The following GLIPR2 variants were observed in gnomAD, a reference collection of about 807,000 sequenced individuals.
GLIPR2 encodes the protein GLI pathogenesis related 2, also known as Golgi-associated plant pathogenesis-related protein 1.
A neutral mutation model predicts 20.4 loss-of-function variants in GLIPR2; 21 were observed. The observed-to-expected ratio is 1.03, with a 90% CI of 0.73 to 1.48. The LOEUF is 1.48. GLIPR2 is among the 40% of genes most tolerant of loss of function. The pLI, the probability that GLIPR2 is intolerant of heterozygous loss-of-function variation, is 0.00. For synonymous variants in GLIPR2, 91 were observed against 80.5 expected (o/e 1.13, Z -0.70); for missense variants, 205 against 200.1 (o/e 1.02, Z -0.15).
intron 4 of GLIPR2, among the ~76,000 whole-genome samples, chr9:36,155,623 A>C (rs1404893367): frequency 2.6e-5 from 4 of 152,306 alleles, no homozygotes; most frequent in Non-Finnish European, 4.4e-5. Context: ...GAGTTTAACT[A>C]CAGGAGAAAA....
chr9:36,137,438 C>T (rs1824875695), intron 1 of GLIPR2, among the ~76,000 whole-genome samples: 1 of 152,142 alleles, frequency 6.6e-6, no homozygotes, highest in Non-Finnish European at 1.5e-5. Context: ...CCCTTACCTC[C>T]GCCCTACACT....
chr9:36,159,785 G>A (rs1191842416), intron 4 of GLIPR2, among the ~76,000 whole-genome samples: 1 of 152,000 alleles, frequency 6.6e-6, no homozygotes, highest in Non-Finnish European at 1.5e-5. Context: ...TGACCAGTAT[G>A]GTGAAACCCA....
In GLIPR2 at chr9:36,158,926, G is replaced by A. The variant is rs755887987; in HGVS notation, c.305-3436G>A. ...CTAAAGATACAAAAATTAGCTGGGCGTGATGGTGCTCACCTGTAGTCCCAG... is the reference window on the plus strand; with the variant it reads ...CTAAAGATACAAAAATTAGCTGGGCATGATGGTGCTCACCTGTAGTCCCAG... On this transcript the variant is annotated intron_variant, in intron 4 of 4. Coordinates refer to ENST00000377960, the MANE Select transcript of GLIPR2 (RefSeq NM_022343.4). Among the ~76,000 whole-genome samples, 8 of 152,150 alleles carry A rather than the reference G, an allele frequency of 5.3e-5. No individual in the cohort carries two copies. In the East Asian group the frequency reaches 5.8e-4, roughly 11 times the overall value.
intron 4 of GLIPR2, among the ~76,000 whole-genome samples, chr9:36,154,624 G>A (rs9969840): frequency 0.011 from 1,739 of 152,256 alleles, 42 homozygotes; most frequent in African/African-American, 0.04. Flanking sequence ...AAAGAAAAAG[G>A]AACCTTCGTT....
intron 1 of GLIPR2, among the ~76,000 whole-genome samples, chr9:36,137,789 C>T (rs1824892288): frequency 1.3e-5 from 2 of 152,234 alleles, no homozygotes; most frequent in South Asian, 4.1e-4. Context: ...CTGCTTCATC[C>T]GGATTGTCCA....
chr9:36,158,709 A>G (rs1825936995), intron 4 of GLIPR2, among the ~76,000 whole-genome samples: 1 of 152,236 alleles, frequency 6.6e-6, no homozygotes, highest in Non-Finnish European at 1.5e-5. Flanking sequence ...TGTCTCATTG[A>G]TCTCTGTAAA....
At chr9:36,136,695 C>A (rs144476246), upstream of GLIPR2, 7 of 1,020,760 alleles carry the variant, frequency 6.9e-6, no homozygotes, top group Non-Finnish European at 7.5e-6. The surrounding 1 kb of genome is among the most constrained non-coding windows in gnomAD (Gnocchi z 4.3). Flanking sequence ...GGCATCAGCC[C>A]GGTCCTGGGC....
chr9:36,161,558 C>A (rs1826053431), intron 4 of GLIPR2, among the ~76,000 whole-genome samples: 1 of 150,060 alleles, frequency 6.7e-6, no homozygotes, highest in South Asian at 2.1e-4. Flanking sequence ...CCTTCAATAT[C>A]TATAAGTGAG....
In GLIPR2 at chr9:36,154,091, ATATATC is replaced by A. The variant is rs1299131084; in HGVS notation, c.304+3144_304+3149del. Among the ~76,000 whole-genome samples, 114 of 122,304 alleles carry A rather than the reference ATATATC, an allele frequency of 9.3e-4. 1 individual carries two copies. Among genetic ancestry groups the A allele is most frequent in the African/African-American group, 3.3e-3 (107 of 32,452 alleles). The allele number at this position is 122,304 out of a possible 152,430, so 80.2% of individuals were successfully genotyped here. A position where few individuals can be genotyped will look rare whatever the true frequency, so the allele number is the denominator to read the frequency against. On this transcript the variant is annotated intron_variant, in intron 4 of 4. Transcript: ENST00000377960. ...ATATTATATATTATATATTATATAT[ATATATC>A]TTTTCCCCCCCCCTTTGAGACCGAG...
intron 4 of GLIPR2, among the ~76,000 whole-genome samples, chr9:36,153,203 A>AGCAGCCTT (rs1245171029): frequency 6.6e-6 from 1 of 152,048 alleles, no homozygotes; most frequent in African/African-American, 2.4e-5. Context: ...AGAAAAGGGA[A>AGCAGCCTT]GCAGCCTTTC....
In GLIPR2 at chr9:36,162,430, G is replaced by A. The variant is rs749051187; in HGVS notation, c.373G>A (p.Gly125Arg). 32 of 1,614,086 alleles carry A rather than the reference G, an allele frequency of 2.0e-5. No individual in the cohort carries two copies. The highest frequency in any genetic ancestry group is 6.7e-5 in the Admixed American group (4 of 60,004). Residue 125 changes from glycine to arginine, a missense_variant, in exon 5 of 5, where the codon GGG becomes AGG. Transcript: ENST00000377960. ...CGTGGGGAAGGCGTCCGCAAGTGACGGGTCCTCCTTTGTGGTGGCCAGATA... is the reference window on the plus strand; with the variant it reads ...CGTGGGGAAGGCGTCCGCAAGTGACAGGTCCTCCTTTGTGGTGGCCAGATA... ...MGVGKASASD[G>R]SSFVVARYFP...
intron 1 of GLIPR2, among the ~76,000 whole-genome samples, chr9:36,139,783 T>A (rs1163233587): frequency 6.6e-6 from 1 of 152,180 alleles, no homozygotes; most frequent in Non-Finnish European, 1.5e-5. Flanking sequence ...AGAAGACGCT[T>A]GGCCTAGTGA....
intron 1 of GLIPR2, among the ~76,000 whole-genome samples, chr9:36,142,035 C>G (rs1053269322): frequency 1.3e-5 from 2 of 152,090 alleles, no homozygotes; most frequent in African/African-American, 4.8e-5. Context: ...CCAAGTCTGG[C>G]CCCCTGGTAA....
intron 2 of GLIPR2, 110 bp from the exon 3 acceptor site, chr9:36,148,437 C>T (rs1825435595): frequency 2.8e-6 from 2 of 710,648 alleles, no homozygotes; most frequent in East Asian, 2.7e-5. Context: ...AGTGGTGCTC[C>T]TCTGTGAGCC....
intron 3 of GLIPR2, among the ~76,000 whole-genome samples, chr9:36,149,519 C>T (rs1482593675): frequency 6.6e-6 from 1 of 152,126 alleles, no homozygotes; most frequent in Non-Finnish European, 1.5e-5. Flanking sequence ...CTTCCCAAGT[C>T]CAGGCTGTGG....
chr9:36,140,953 G>A (rs1423671268), intron 1 of GLIPR2, among the ~76,000 whole-genome samples: 2 of 152,174 alleles, frequency 1.3e-5, no homozygotes. Context: ...AGCTCAGAGG[G>A]ACTGAAAAAG....
chr9:36,137,363 A>G (rs554302521), intron 1 of GLIPR2, among the ~76,000 whole-genome samples: 3 of 152,070 alleles, frequency 2.0e-5, no homozygotes, highest in African/African-American at 7.2e-5. Flanking sequence ...CTTCCTCACC[A>G]TTGTCCTCAG....
chr9:36,157,716 A>G (rs201475025), intron 4 of GLIPR2, among the ~76,000 whole-genome samples: 19 of 96,248 alleles, frequency 2.0e-4, no homozygotes, highest in Admixed American at 7.0e-4. Flanking sequence ...ACACACACAT[A>G]TATATATACA....
chr9:36,153,626 T>C (rs1363338041), intron 4 of GLIPR2, among the ~76,000 whole-genome samples: 1 of 152,060 alleles, frequency 6.6e-6, no homozygotes, highest in East Asian at 1.9e-4. Context: ...TTTGGCCAGG[T>C]GCGGTGGCTC....
Sources: gnomAD v4.1 joint callset for allele counts (sites outside exome capture counted in the v4.1 genomes callset) on GRCh38, gnomAD v4.1.1 for gene constraint, Gnocchi (gnomAD v3.1) non-coding constraint, MANE v1.5 for transcripts, NCBI Gene and HGNC (gene_info 2026-07-23, HGNC 2026-07-21) for gene names.